Variants in PCDHGB7 observed in about 807,000 individuals in gnomAD.
PCDHGB7 encodes the protein protocadherin gamma subfamily B, 7.
A neutral mutation model predicts 61.4 loss-of-function variants in PCDHGB7; 37 were observed. The ratio of observed to expected loss-of-function variants is 0.60; its 90% CI spans 0.46 to 0.79. PCDHGB7 has a LOEUF of 0.79. Among genes scored for constraint, PCDHGB7 ranks in the 30% least tolerant of loss-of-function variants. The probability of loss-of-function intolerance (pLI) is 0.00; values close to 1 mark genes in which losing one functional copy is unlikely to be tolerated. For missense variants in PCDHGB7, 1,166 were observed against 1,202.5 expected, an observed-to-expected ratio of 0.97 and a Z score of 0.45; for synonymous variants, 464 against 503.5, an observed-to-expected ratio of 0.92 and a Z score of 1.05.
rs1416755901 is a variant in PCDHGB7 at position 141,489,721 on chromosome 5, G to C, written c.2416-5086G>C. The C allele has an allele frequency of 6.2e-7, 1 of 1,614,016 alleles. No homozygotes were observed. The highest frequency in any genetic ancestry group is 8.5e-7 in the Non-Finnish European group (1 of 1,179,966). On this transcript the variant is annotated intron_variant, in intron 1 of 3. Coordinates refer to ENST00000398594, the MANE Select transcript of PCDHGB7 (RefSeq NM_018927.4). The surrounding 1 kb of genome is among the most constrained non-coding windows in gnomAD (Gnocchi z 4.5). ...CCCACTGGACAGTGCCCAGGATCCGGATGTGGGCACCAATACTGTGAGCTT... is the reference window on the plus strand; with the variant it reads ...CCCACTGGACAGTGCCCAGGATCCGCATGTGGGCACCAATACTGTGAGCTT...
rs1395556571 is a variant in PCDHGB7 at position 141,432,581 on chromosome 5, C to CT, written c.2415+12308dup. ...CCAGAACGCCTGGCTGTCCTACCGT[C>CT]TGCTCAAGGCCAGCGAGCCGGGACT... On this transcript the variant is annotated intron_variant, in intron 1 of 3. Coordinates refer to ENST00000398594, the MANE Select transcript of PCDHGB7 (RefSeq NM_018927.4). This position sits in a 1 kb window ranked among gnomAD's most constrained non-coding sequence, Gnocchi z 6.0. 6.2e-7 allele frequency: 1 copy of CT among 1,613,930 alleles called. No homozygotes were observed.
intron 1 of PCDHGB7, among the ~76,000 whole-genome samples, chr5:141,481,668 A>G (rs1051166504): frequency 6.6e-6 from 1 of 152,090 alleles, no homozygotes; most frequent in Admixed American, 6.6e-5. Flanking sequence ...TAATACAAAA[A>G]TCAGGCCGGG....
chr5:141,490,143 A>G lies in PCDHGB7; in HGVS notation c.2416-4664A>G. On this transcript the variant is annotated intron_variant, in intron 1 of 3. Transcript: ENST00000398594. The surrounding 1 kb of genome is among the most constrained non-coding windows in gnomAD (Gnocchi z 5.4). ...TTGGCCTAGACCCTAGCAGTGGGGC[A>G]ATCCATGTGTTGGGTCCCATAGACT... is the stretch of plus-strand genomic sequence containing the variant. 1 of 1,614,234 alleles carries G rather than the reference A, an allele frequency of 6.2e-7. No homozygotes were observed. The highest frequency in any genetic ancestry group is 8.5e-7 in the Non-Finnish European group (1 of 1,180,034).
intron 1 of PCDHGB7, among the ~76,000 whole-genome samples, chr5:141,452,542 C>T (rs2098743637): frequency 6.6e-6 from 1 of 152,180 alleles, no homozygotes; most frequent in Admixed American, 6.6e-5. Flanking sequence ...CATATTGATA[C>T]CTCCAGTTCT....
chr5:141,473,784 G>A (rs1457988232), intron 1 of PCDHGB7, among the ~76,000 whole-genome samples: 1 of 152,226 alleles, frequency 6.6e-6, no homozygotes, highest in Non-Finnish European at 1.5e-5. Flanking sequence ...TTTAATTCAA[G>A]AGCAGTATGA....
chr5:141,423,689 G>A (rs2096767103), intron 1 of PCDHGB7: 2 of 1,400,130 alleles, frequency 1.4e-6, no homozygotes, highest in Non-Finnish European at 9.4e-7. Context: ...CCTCCTAATT[G>A]TTGGTGTCTT....
At chr5:141,467,628 C>G (rs181245841) in intron 1 of PCDHGB7, among the ~76,000 whole-genome samples, 49 of 152,224 alleles carry the variant, frequency 3.2e-4, no homozygotes, top group African/African-American at 1.1e-3. Context: ...TTTGAGATAG[C>G]ATCTTTATCA....
intron 3 of PCDHGB7, among the ~76,000 whole-genome samples, chr5:141,509,092 G>T (rs943269087): frequency 1.3e-5 from 2 of 152,180 alleles, no homozygotes; most frequent in African/African-American, 4.8e-5. Context: ...TGAAATGGGG[G>T]CTGTAGAAAC....
At chr5:141,462,990 A>G (rs181384059) in intron 1 of PCDHGB7, among the ~76,000 whole-genome samples, 1 of 152,126 alleles carries the variant, frequency 6.6e-6, no homozygotes, top group Non-Finnish European at 1.5e-5. Flanking sequence ...GCCTTGGGCT[A>G]ATTTAGACCT....
chr5:141,468,832 C>G (rs530307522), intron 1 of PCDHGB7, among the ~76,000 whole-genome samples: 1 of 152,164 alleles, frequency 6.6e-6, no homozygotes, highest in South Asian at 2.1e-4. Flanking sequence ...AGCCACTGCA[C>G]TCCAGCCTGG....
chr5:141,421,231 G>T (rs1368484504), intron 1 of PCDHGB7: 1 of 1,590,694 alleles, frequency 6.3e-7, no homozygotes, highest in South Asian at 1.1e-5. Context: ...GCCTGCCATG[G>T]CGAATCGGCT....
In PCDHGB7 at chr5:141,418,449, A is replaced by G. The variant is rs781224972; in HGVS notation, c.590A>G (p.Gln197Arg). ...DGGKYPELVL[Q>R]KTLDRETQSA... ...GGCAAATATCCAGAATTAGTATTGC[A>G]GAAGACTCTGGACCGAGAAACGCAG... Residue 197 changes from glutamine to arginine, a missense_variant, in exon 1 of 4, where the codon CAG (glutamine) becomes CGG (arginine). Coordinates refer to ENST00000398594, the MANE Select transcript of PCDHGB7 (RefSeq NM_018927.4). 8.1e-6 allele frequency: 13 copies of G among 1,613,922 alleles called. No homozygotes were observed. The Admixed American group carries it at 1.2e-4, about 14-fold the overall frequency.
rs779191558 is a variant in PCDHGB7 at position 141,491,465 on chromosome 5, A to G, written c.2416-3342A>G. On this transcript the variant is annotated intron_variant, in intron 1 of 3. Coordinates refer to ENST00000398594, the MANE Select transcript of PCDHGB7 (RefSeq NM_018927.4). This position sits in a 1 kb window ranked among gnomAD's most constrained non-coding sequence, Gnocchi z 6.9. The stretch of plus-strand genomic sequence containing the variant: ...CAGGACTCACCCTCCCCGGACTTCT[A>G]TAAGCAGTCCAGCCCCAACCTGCAG... 1.2e-6 allele frequency: 2 copies of G among 1,613,974 alleles called. No homozygotes were observed. The highest frequency in any genetic ancestry group is 1.1e-5 in the South Asian group (1 of 91,084).
chr5:141,462,883 A>T (rs557432183), intron 1 of PCDHGB7, among the ~76,000 whole-genome samples: 9 of 152,230 alleles, frequency 5.9e-5, no homozygotes, highest in African/African-American at 2.2e-4. Context: ...GAACTATTGC[A>T]GTTTGTTTTG....
intron 1 of PCDHGB7, among the ~76,000 whole-genome samples, chr5:141,465,307 T>C (rs2099100636): frequency 6.6e-6 from 1 of 152,218 alleles, no homozygotes; most frequent in Non-Finnish European, 1.5e-5. Context: ...CCTGGGAATT[T>C]AGCCATGTCA....
At chr5:141,421,271 T>G in intron 1 of PCDHGB7, 1 of 1,612,330 alleles carries the variant, frequency 6.2e-7, no homozygotes, top group Non-Finnish European at 8.5e-7. Context: ...CGGCTGCTGC[T>G]GCTGCTGTGC....
At chr5:141,495,400 C>T (rs554849650) in intron 2 of PCDHGB7, among the ~76,000 whole-genome samples, 4 of 152,278 alleles carry the variant, frequency 2.6e-5, no homozygotes, top group Non-Finnish European at 1.5e-5. Flanking sequence ...ATGGAGCAGG[C>T]CCCCTTCTCC....
Position 141,485,585 on chromosome 5 carries a change from C to G in PCDHGB7, c.2416-9222C>G, listed in dbSNP as rs373987810. The G allele has an allele frequency of 7.4e-6, 12 of 1,612,204 alleles. No individual in the cohort carries two copies. The highest frequency in any genetic ancestry group is 1.0e-5 in the Non-Finnish European group (12 of 1,178,590). On this transcript the variant is annotated intron_variant, in intron 1 of 3. Transcript: ENST00000398594. The surrounding 1 kb of genome is among the most constrained non-coding windows in gnomAD (Gnocchi z 5.7). ...CGCCCCCCGTTTTCCGCGGCAGCAG[C>G]TGGACTTGGAAATTGGGGAGGCAGC...
Position 141,439,149 on chromosome 5 carries a change from C to T in PCDHGB7, c.2415+18875C>T, listed in dbSNP as rs543388568. Reference sequence around the variant, plus strand: ...CAGAGGTTGCAGTGAGCTGAGATCACGCCACTGCACTCCAGCCTGGGCGAC... The same window carrying T: ...CAGAGGTTGCAGTGAGCTGAGATCATGCCACTGCACTCCAGCCTGGGCGAC... On this transcript the variant is annotated intron_variant, in intron 1 of 3. Transcript: ENST00000398594. Among the ~76,000 whole-genome samples, 165 of 150,018 alleles carry T rather than the reference C, an allele frequency of 1.1e-3. 1 individual carries two copies. In the Middle Eastern group the frequency reaches 0.017, roughly 16 times the overall value.
Sources: gnomAD v4.1 joint callset for allele counts (sites outside exome capture counted in the v4.1 genomes callset) on GRCh38, gnomAD v4.1.1 for gene constraint, Gnocchi (gnomAD v3.1) non-coding constraint, MANE v1.5 for transcripts, NCBI Gene and HGNC (gene_info 2026-07-23, HGNC 2026-07-21) for gene names.